KCNK17: variants seen among roughly 807,000 people sequenced by gnomAD.
The protein encoded by KCNK17 is potassium channel subfamily K member 17.
KCNK17 carries 27 observed loss-of-function variants against 24.6 expected under a neutral mutation model. That is an observed-to-expected ratio of 1.10 (90% confidence interval 0.81 to 1.51). The LOEUF (loss-of-function observed/expected upper bound fraction) is 1.51, where lower values mean the gene tolerates loss of function less well. Among genes scored for constraint, KCNK17 ranks in the 40% most tolerant of loss-of-function variants. The probability of loss-of-function intolerance (pLI) is 0.00; values close to 1 mark genes in which losing one functional copy is unlikely to be tolerated. For synonymous variants in KCNK17, 181 were observed against 189.8 expected (o/e 0.95, Z 0.38); for missense variants, 450 against 436.6 (o/e 1.03, Z -0.27).
chr6:39,309,549 T>G (rs1349396364), intron 2 of KCNK17, among the ~76,000 whole-genome samples: 1 of 151,982 alleles, frequency 6.6e-6, no homozygotes, highest in Non-Finnish European at 1.5e-5. Context: ...AGAGGCATAA[T>G]CCAAGCTAGG....
Position 39,304,022 on chromosome 6 carries a change from T to C in KCNK17, c.623A>G (p.Tyr208Cys). The C allele has an allele frequency of 6.2e-7, 1 of 1,613,880 alleles. No individual in the cohort carries two copies. Among genetic ancestry groups the C allele is most frequent in the South Asian group, 1.1e-5 (1 of 91,080 alleles). The change falls in exon 4 of 5, where the codon TAC (tyrosine) becomes TGC (cysteine). Residue 208 changes from tyrosine (Y) to cysteine (C), a missense_variant. Tyr to Cys is a radical substitution (Grantham distance 194, BLOSUM62 -2). Transcript: ENST00000373231. ...LLFSHMEGWS[Y>C]TEGFYFAFIT... ...GAAGGCGAAGTAGAAGCCCTCTGTG[T>C]AGCTCCAGCCCTCCATGTGGGAGAA...
intron 2 of KCNK17, among the ~76,000 whole-genome samples, chr6:39,307,547 G>A (rs1485236173): frequency 2.6e-5 from 4 of 152,184 alleles, no homozygotes; most frequent in African/African-American, 9.7e-5. Context: ...TTTCACCAGC[G>A]GGATGGGGAC....
intron 2 of KCNK17, among the ~76,000 whole-genome samples, chr6:39,306,408 T>C (rs1481230227): frequency 1.3e-5 from 2 of 152,254 alleles, no homozygotes; most frequent in Non-Finnish European, 2.9e-5. Flanking sequence ...TAATAGGTGC[T>C]CTTCACTACA....
At chr6:39,305,779 C>T (rs1419340022) in intron 2 of KCNK17, among the ~76,000 whole-genome samples, 2 of 152,212 alleles carry the variant, frequency 1.3e-5, no homozygotes, top group Non-Finnish European at 2.9e-5. Context: ...GCTCTAGCCA[C>T]ATTGCTGGCC....
chr6:39,314,078 C>A lies in KCNK17; in HGVS notation c.237+6G>T. 6.4e-7 allele frequency: 1 copy of A among 1,573,730 alleles called. No homozygotes were observed. Among genetic ancestry groups the A allele is most frequent in the East Asian group, 2.3e-5 (1 of 43,160 alleles). On this transcript the variant is annotated splice_donor_region_variant and intron_variant, in intron 1 of 4. Coordinates refer to ENST00000373231, the MANE Select transcript of KCNK17 (RefSeq NM_031460.4). The stretch of plus-strand genomic sequence containing the variant: ...CGCGCCCAGGCCGACGCCGCTCGCC[C>A]CTGACCCGGATCAGCGAGTCCAGCG...
intron 1 of KCNK17, among the ~76,000 whole-genome samples, chr6:39,313,809 G>A (rs1023011986): frequency 6.6e-6 from 1 of 151,928 alleles, no homozygotes; most frequent in Admixed American, 6.6e-5. Context: ...CCTCCTCACC[G>A]GGCCAGCATG....
At chr6:39,303,919 C>T (rs372774410) in intron 4 of KCNK17, 38 bp downstream of exon 4, 11 of 1,600,518 alleles carry the variant, frequency 6.9e-6, no homozygotes, top group Admixed American at 3.3e-5. Context: ...TATAGGCAGC[C>T]GAATGTCCCC....
At chr6:39,304,211 G>A (rs1761995779) in intron 3 of KCNK17, 80 bp from the exon 4 acceptor site, 1 of 1,380,416 alleles carries the variant, frequency 7.2e-7, no homozygotes, top group Non-Finnish European at 9.9e-7. Flanking sequence ...AGGCAGGCCA[G>A]AGCTGTCCCC....
chr6:39,307,741 C>A (rs919226200), intron 2 of KCNK17, among the ~76,000 whole-genome samples: 2 of 152,226 alleles, frequency 1.3e-5, no homozygotes, highest in African/African-American at 4.8e-5. Context: ...TTCAGCATGT[C>A]TCCTCACTGC....
intron 2 of KCNK17, among the ~76,000 whole-genome samples, chr6:39,310,383 G>A (rs1347655405): frequency 6.6e-6 from 1 of 152,030 alleles, no homozygotes; most frequent in African/African-American, 2.4e-5. Context: ...GTGGGAATGG[G>A]GTCTGGAGAC....
In KCNK17 at chr6:39,299,570, T is replaced by G; in HGVS notation, c.856A>C (p.Lys286Gln). 6.2e-7 allele frequency: 1 copy of G among 1,614,170 alleles called. No individual in the cohort carries two copies. Among genetic ancestry groups the G allele is most frequent in the Non-Finnish European group, 8.5e-7 (1 of 1,180,034 alleles). Residue 286 changes from lysine to glutamine, a missense_variant, in exon 5 of 5, where the codon AAG becomes CAG. Physicochemically the swap from Lys to Gln is moderately conservative, Grantham distance 53. Transcript: ENST00000373231. ...CCHHSSKEDFKSQSWRQGPDR... is the reference protein window; with the variant it reads ...CCHHSSKEDFQSQSWRQGPDR... ...GGTCCCTGTCTCCAGCTTTGGGACT[T>G]GAAGTCTTCCTTAGAGCTGTGGTGG... is the stretch of plus-strand genomic sequence containing the variant.
In KCNK17 at chr6:39,299,252, A is replaced by C. The variant is rs1457690955; in HGVS notation, c.*175T>G. On this transcript the variant is annotated 3_prime_UTR_variant, in exon 5 of 5. Transcript: ENST00000373231. ...TGCTGCCCCGACACCCGAAAGTCAC[A>C]TCCCATGTCACCCAGGACATGTCTC... is the stretch of plus-strand genomic sequence containing the variant. 6.7e-6 allele frequency: 4 copies of C among 597,098 alleles called. No individual in the cohort carries two copies. The East Asian group carries it at 1.1e-4, about 17-fold the overall frequency. The allele number at this position is 597,098 out of a possible 1,614,324, so 37.0% of individuals were successfully genotyped here. A position where few individuals can be genotyped will look rare whatever the true frequency, so the allele number is the denominator to read the frequency against.
At chr6:39,303,427 C>A (rs1446280537) in intron 4 of KCNK17, among the ~76,000 whole-genome samples, 1 of 152,234 alleles carries the variant, frequency 6.6e-6, no homozygotes, top group African/African-American at 2.4e-5. Flanking sequence ...CCTTGTCTTG[C>A]CTAGGTTGGG....
At position 39,311,009 on chromosome 6, in the gene KCNK17, T is replaced by TG. The variant is rs775392005; in HGVS notation, c.238-3dup. ...GTTTTTGTATGCTTGGACGACATCC[T>TG]GGGGAAGAGGCTGCAATGACCACCA... On this transcript the variant is annotated splice_polypyrimidine_tract_variant and splice_region_variant and intron_variant, in intron 1 of 4. Transcript: ENST00000373231. 27 of 1,594,806 alleles carry TG rather than the reference T, an allele frequency of 1.7e-5. No homozygotes were observed. The African/African-American group carries it at 3.5e-4, about 21-fold the overall frequency.
At chr6:39,304,368 C>T in intron 3 of KCNK17, 127 bp downstream of exon 3, 1 of 919,830 alleles carries the variant, frequency 1.1e-6, no homozygotes, top group Non-Finnish European at 1.7e-6. Context: ...GAGCAGTGAC[C>T]CCCAATCCCA....
chr6:39,300,581 G>A (rs578067792), intron 4 of KCNK17: 48 of 1,514,044 alleles, frequency 3.2e-5, no homozygotes, highest in South Asian at 6.0e-5. Context: ...ATCCTGACTC[G>A]GTTCTTCAGC....
Position 39,310,866 on chromosome 6 carries a change from ATCCCCCTGG to A in KCNK17, c.352+18_352+26del. On this transcript the variant is annotated intron_variant, in intron 2 of 4. Coordinates refer to ENST00000373231, the MANE Select transcript of KCNK17 (RefSeq NM_031460.4). Reference sequence around the variant, plus strand: ...GGAGCTGCCTCCTTCCCCCACCCCCATCCCCCTGGCCCCATCTGGCCCTTACCAATGGTG... The same window carrying A: ...GGAGCTGCCTCCTTCCCCCACCCCCACCCCATCTGGCCCTTACCAATGGTG... 25 of 756,796 alleles carry A rather than the reference ATCCCCCTGG, an allele frequency of 3.3e-5. No homozygotes were observed. The highest frequency in any genetic ancestry group is 5.2e-5 in the Non-Finnish European group (24 of 458,616). The allele number at this position is 756,796 out of a possible 1,614,324, so 46.9% of individuals were successfully genotyped here.
chr6:39,300,312 G>C, intron 4 of KCNK17: 1 of 669,434 alleles, frequency 1.5e-6, no homozygotes, highest in Non-Finnish European at 2.7e-6. Flanking sequence ...TAGTAGAGAC[G>C]GGGTTTCACC....
In KCNK17 at chr6:39,308,002, A is replaced by G. The variant is rs115002861; in HGVS notation, c.352+2891T>C. ...TTATTTTACTCATGTCTCTGCTTCA[A>G]TGTTACTGTATCAGCTTCAATGTTA... On this transcript the variant is annotated intron_variant, in intron 2 of 4. Coordinates refer to ENST00000373231, the MANE Select transcript of KCNK17 (RefSeq NM_031460.4). Among the ~76,000 whole-genome samples, 288 of 152,254 alleles carry G rather than the reference A, an allele frequency of 1.9e-3. 1 individual carries two copies. The highest frequency in any genetic ancestry group is 3.4e-3 in the Middle Eastern group (1 of 294).
Sources: gnomAD v4.1 joint callset for allele counts (sites outside exome capture counted in the v4.1 genomes callset) on GRCh38, gnomAD v4.1.1 for gene constraint, MANE v1.5 for transcripts, NCBI Gene and HGNC (gene_info 2026-07-23, HGNC 2026-07-21) for gene names.